GLDN: variants seen among roughly 807,000 people sequenced by gnomAD.
GLDN encodes gliomedin.
In GLDN, 47 loss-of-function variants were observed where a neutral mutation model predicts 56.5. That is an observed-to-expected ratio of 0.83 (90% CI 0.66 to 1.06). The LOEUF (loss-of-function observed/expected upper bound fraction) is 1.06. GLDN is among the 50% of genes least tolerant of loss of function. The pLI is 0.00. For missense variants in GLDN, 782 were observed against 714.3 expected, an observed-to-expected ratio of 1.09 and a Z score of -1.08; for synonymous variants, 332 against 278.8, an observed-to-expected ratio of 1.19 and a Z score of -1.90.
intron 4 of GLDN, among the ~76,000 whole-genome samples, chr15:51,387,951 C>T (rs1205701374): frequency 6.6e-6 from 1 of 152,174 alleles, no homozygotes; most frequent in Non-Finnish European, 1.5e-5. Flanking sequence ...GATGAAGATA[C>T]TTCTCTCTTT....
At chr15:51,353,734 A>AAAAAAAAAAAAAAAAAAAAAAAAAC (rs60404846) in intron 1 of GLDN, among the ~76,000 whole-genome samples, 8 of 128,858 alleles carry the variant, frequency 6.2e-5, no homozygotes, top group Non-Finnish European at 1.3e-4. Context: ...AAAAAAAAAA[A>AAAAAAAAAAAAAAAAAAAAAAAAAC]CCACAGTCAA....
chr15:51,353,627 A>G (rs1474726363), intron 1 of GLDN, among the ~76,000 whole-genome samples: 1 of 151,798 alleles, frequency 6.6e-6, no homozygotes, highest in African/African-American at 2.4e-5. Flanking sequence ...CAGGTAGAGA[A>G]AGAACAATTT....
At chr15:51,375,289 C>T (rs2037606910) in intron 1 of GLDN, among the ~76,000 whole-genome samples, 1 of 152,132 alleles carries the variant, frequency 6.6e-6, no homozygotes, top group African/African-American at 2.4e-5. Context: ...TTTAGTACAG[C>T]TCCCTTCCAC....
At chr15:51,350,280 G>C (rs1321274885) in intron 1 of GLDN, among the ~76,000 whole-genome samples, 1 of 152,198 alleles carries the variant, frequency 6.6e-6, no homozygotes, top group African/African-American at 2.4e-5. Context: ...TGTAGGCCTT[G>C]TTTCAAACTC....
chr15:51,409,962 G>C (rs1026211831), downstream of GLDN, among the ~76,000 whole-genome samples: 1 of 152,178 alleles, frequency 6.6e-6, no homozygotes, highest in African/African-American at 2.4e-5. Flanking sequence ...TCATCTTGCA[G>C]AGAAGTTCCA....
At chr15:51,381,760 C>A (rs2037765565) in intron 2 of GLDN, among the ~76,000 whole-genome samples, 1 of 150,414 alleles carries the variant, frequency 6.6e-6, no homozygotes, top group South Asian at 2.1e-4. Flanking sequence ...CTACAAAGAT[C>A]CCCTAGGGTT....
chr15:51,356,244 C>T (rs577827423), intron 1 of GLDN, among the ~76,000 whole-genome samples: 1 of 151,644 alleles, frequency 6.6e-6, no homozygotes, highest in East Asian at 2.0e-4. Context: ...CCTGGGAAGG[C>T]AGCCCAGCAG....
At chr15:51,385,053 C>G (rs1047380938) in intron 4 of GLDN, 1 of 152,212 alleles carries the variant, frequency 6.6e-6, no homozygotes, top group Non-Finnish European at 1.5e-5. Flanking sequence ...TCAGAGAAAA[C>G]GGGCACACAC....
Position 51,405,408 on chromosome 15 carries a change from A to AT in GLDN, c.*662dup, listed in dbSNP as rs1437836738. ...TTTTTTTTTTTTTTTTCAATAAGCT[A>AT]TTTTTTTTCTTTTCTTATTTTAAAT... On this transcript the variant is annotated 3_prime_UTR_variant, in exon 10 of 10. Coordinates refer to ENST00000335449, the MANE Select transcript of GLDN (RefSeq NM_181789.4). The AT allele has an allele frequency of 1.0e-4, 7 of 66,910 alleles. No individual in the cohort carries two copies. The highest frequency in any genetic ancestry group is 3.1e-4 in the African/African-American group (5 of 16,182). 4.1% of individuals were successfully genotyped at this position (66,910 alleles called of 1,614,324 possible). A position where few individuals can be genotyped will look rare whatever the true frequency, so the allele number is the denominator to read the frequency against.
At chr15:51,376,416 T>C (rs898935639) in intron 1 of GLDN, among the ~76,000 whole-genome samples, 5 of 152,216 alleles carry the variant, frequency 3.3e-5, no homozygotes, top group Non-Finnish European at 7.3e-5. Context: ...GCTACAGAAC[T>C]GGGGTAGCTC....
downstream of GLDN, among the ~76,000 whole-genome samples, chr15:51,408,777 C>T (rs1459824520): frequency 1.6e-4 from 24 of 152,030 alleles, no homozygotes; most frequent in African/African-American, 4.1e-4. Flanking sequence ...TGAGAACATG[C>T]GGTATTTGGT....
intron 4 of GLDN, among the ~76,000 whole-genome samples, chr15:51,394,415 C>T (rs1283943142): frequency 2.0e-5 from 3 of 152,078 alleles, no homozygotes; most frequent in Non-Finnish European, 2.9e-5. Context: ...GAGTTCAAGA[C>T]CAGTCTGGTC....
intron 4 of GLDN, chr15:51,384,958 A>ATT (rs2037857453): frequency 6.6e-6 from 1 of 152,108 alleles, no homozygotes; most frequent in Admixed American, 6.5e-5. Flanking sequence ...TTAGCAATTG[A>ATT]AGTAAGGGCC....
At chr15:51,409,107 A>G (rs548033547), downstream of GLDN, among the ~76,000 whole-genome samples, 1 of 148,150 alleles carries the variant, frequency 6.7e-6, no homozygotes, top group South Asian at 2.2e-4. Context: ...CTAGGGCTGC[A>G]GAAATGGTTA....
intron 1 of GLDN, among the ~76,000 whole-genome samples, chr15:51,363,526 G>C (rs1039412940): frequency 4.6e-5 from 7 of 152,256 alleles, no homozygotes; most frequent in Admixed American, 3.9e-4. Flanking sequence ...CTCAGCGCCT[G>C]TTATGGGCAT....
Position 51,400,222 on chromosome 15 carries a change from C to T in GLDN, c.848C>T (p.Thr283Ile), listed in dbSNP as rs151045681. Residue 283 changes from threonine to isoleucine, a missense_variant, in exon 7 of 10, where the codon ACC becomes ATC. Thr to Ile is a moderately conservative substitution (Grantham distance 89). Transcript: ENST00000335449. Reference sequence around the variant, plus strand: ...ACTTGTGCCATACCAAATGATGATACCTTGGTTGGAAAAGCTGATGAGAAA... The same window carrying T: ...ACTTGTGCCATACCAAATGATGATATCTTGGTTGGAAAAGCTGATGAGAAA... The part of the protein sequence containing the change: ...GETCAIPNDD[T>I]LVGKADEKAS... The T allele has an allele frequency of 1.9e-3, 3,145 of 1,614,082 alleles. 5 individuals are homozygous for T. Among genetic ancestry groups the T allele is most frequent in the Non-Finnish European group, 2.3e-3 (2,691 of 1,179,982 alleles).
chr15:51,394,560 C>A (rs556479931), intron 4 of GLDN, among the ~76,000 whole-genome samples: 3 of 152,198 alleles, frequency 2.0e-5, no homozygotes, highest in African/African-American at 7.2e-5. Flanking sequence ...TTGCAGTGAG[C>A]CGAGATCGCG....
At chr15:51,402,829 C>A (rs1229538868) in intron 9 of GLDN, among the ~76,000 whole-genome samples, 2 of 152,212 alleles carry the variant, frequency 1.3e-5, no homozygotes, top group Non-Finnish European at 2.9e-5. Context: ...TTGCCTCTCA[C>A]TCCCATCTAC....
intron 1 of GLDN, among the ~76,000 whole-genome samples, chr15:51,363,253 A>G (rs1179106160): frequency 6.6e-6 from 1 of 152,204 alleles, no homozygotes; most frequent in Non-Finnish European, 1.5e-5. Context: ...GGGAGGCTTC[A>G]TCAAGAGTCT....
Sources: allele counts gnomAD v4.1 joint callset (sites outside exome capture counted in the v4.1 genomes callset), GRCh38; gene constraint gnomAD v4.1.1; transcripts MANE v1.5; gene names NCBI Gene and HGNC (gene_info 2026-07-23, HGNC 2026-07-21).